PTPN4: variants seen among roughly 807,000 people sequenced by gnomAD.
The protein encoded by PTPN4 is protein tyrosine phosphatase non-receptor type 4.
PTPN4 carries 49 observed loss-of-function variants against 135.5 expected under a neutral mutation model. The ratio of observed to expected loss-of-function variants is 0.36; its 90% CI spans 0.29 to 0.46. The LOEUF is 0.46. PTPN4 is among the 20% of genes least tolerant of loss of function. The pLI is 1.00. For missense variants in PTPN4, 860 were observed against 1,101.0 expected (o/e 0.78, Z 3.10); for synonymous variants, 333 against 369.9 (o/e 0.90, Z 1.14).
At chr2:119,927,940 A>G (rs1678849594) in intron 13 of PTPN4, among the ~76,000 whole-genome samples, 1 of 152,110 alleles carries the variant, frequency 6.6e-6, no homozygotes, top group East Asian at 1.9e-4. Context: ...TTTTTCCCCT[A>G]GTAATATAAG....
chr2:119,911,862 T>C (rs1349903646), intron 10 of PTPN4, among the ~76,000 whole-genome samples: 3 of 152,216 alleles, frequency 2.0e-5, no homozygotes, highest in African/African-American at 7.2e-5. Context: ...AAAACTGTTC[T>C]GTAGTTTCTT....
At chr2:119,875,692 C>G (rs532363686) in intron 3 of PTPN4, among the ~76,000 whole-genome samples, 1 of 152,238 alleles carries the variant, frequency 6.6e-6, no homozygotes, top group South Asian at 2.1e-4. Context: ...ACTTTGCTTA[C>G]TTTCTTATTT....
intron 3 of PTPN4, among the ~76,000 whole-genome samples, chr2:119,863,045 A>G (rs111377930): frequency 3.6e-4 from 55 of 152,186 alleles, no homozygotes; most frequent in African/African-American, 1.3e-3. Context: ...AAAATTCTTA[A>G]TTTATTCAAT....
At chr2:119,861,304 C>T (rs571099565) in intron 2 of PTPN4, among the ~76,000 whole-genome samples, 1 of 152,222 alleles carries the variant, frequency 6.6e-6, no homozygotes, top group Admixed American at 6.5e-5. Flanking sequence ...GACATTAATC[C>T]TTCTAAATGA....
At chr2:119,976,065 G>A (rs1449366741) in intron 26 of PTPN4, among the ~76,000 whole-genome samples, 2 of 149,874 alleles carry the variant, frequency 1.3e-5, no homozygotes, top group Non-Finnish European at 3.0e-5. Context: ...GCGCGATCTC[G>A]GCTCACTGCA....
At chr2:119,770,124 C>T (rs943377995) in intron 1 of PTPN4, among the ~76,000 whole-genome samples, 1 of 152,180 alleles carries the variant, frequency 6.6e-6, no homozygotes, top group Non-Finnish European at 1.5e-5. Flanking sequence ...CAGCTAGGTA[C>T]TAGGCACTGT....
intron 2 of PTPN4, among the ~76,000 whole-genome samples, chr2:119,826,816 AG>A (rs1432095609): frequency 1.6e-4 from 25 of 152,116 alleles, no homozygotes; most frequent in Admixed American, 5.9e-4. Context: ...GCTTGAGGCT[AG>A]GAGTTCAAGA....
chr2:119,844,947 C>G (rs920235372), intron 2 of PTPN4, among the ~76,000 whole-genome samples: 17 of 151,110 alleles, frequency 1.1e-4, no homozygotes, highest in African/African-American at 4.1e-4. Context: ...CGCCACTGCA[C>G]TCCAGCCTGG....
At chr2:119,856,098 C>G (rs569503476) in intron 2 of PTPN4, among the ~76,000 whole-genome samples, 2 of 152,302 alleles carry the variant, frequency 1.3e-5, no homozygotes, top group Admixed American at 1.3e-4. Context: ...GCCACCGCGC[C>G]CAGCCTATGT....
At chr2:119,805,182 A>G (rs190086551) in intron 1 of PTPN4, among the ~76,000 whole-genome samples, 45 of 152,288 alleles carry the variant, frequency 3.0e-4, no homozygotes, top group African/African-American at 1.0e-3. Flanking sequence ...GATTCTGGAT[A>G]TTAGCCCTTC....
intron 9 of PTPN4, among the ~76,000 whole-genome samples, chr2:119,896,032 A>AT (rs1008133228): frequency 1.8e-4 from 27 of 152,164 alleles, no homozygotes; most frequent in African/African-American, 6.5e-4. Flanking sequence ...TTTAAATATC[A>AT]TTTTTTTCCT....
intron 1 of PTPN4, among the ~76,000 whole-genome samples, chr2:119,775,108 A>G (rs1309129754): frequency 1.3e-5 from 1 of 78,568 alleles, no homozygotes; most frequent in Admixed American, 1.2e-4. Context: ...AAAAAAAAAA[A>G]AAAAAAAAAA....
chr2:119,823,536 C>T lies in PTPN4; in HGVS notation c.138+13545C>T, dbSNP rs187039101. 3.7e-3 allele frequency among the ~76,000 whole-genome samples: 552 copies of T among 150,156 alleles called. 3 individuals are homozygous for T. The highest frequency in any genetic ancestry group is 0.013 in the African/African-American group (530 of 39,560). The stretch of plus-strand genomic sequence containing the variant: ...GCGTGAGCCACCGTGCCCAGCCCAT[C>T]TGTTTCTTACATATCAGTATTCCTT... On this transcript the variant is annotated intron_variant, in intron 2 of 26. Transcript: ENST00000263708.
chr2:119,817,061 TA>T (rs112261606), intron 2 of PTPN4, among the ~76,000 whole-genome samples: 2 of 152,316 alleles, frequency 1.3e-5, no homozygotes, highest in African/African-American at 4.8e-5. Context: ...AGACCTGAGT[TA>T]AGGGAATGCA....
Position 119,938,617 on chromosome 2 carries a change from G to A in PTPN4, c.1355+3659G>A, listed in dbSNP as rs182308251. 2.3e-4 allele frequency among the ~76,000 whole-genome samples: 35 copies of A among 152,036 alleles called. No homozygotes were observed. In the East Asian group the frequency reaches 6.8e-3, roughly 29 times the overall value. On this transcript the variant is annotated intron_variant, in intron 15 of 26. Coordinates refer to ENST00000263708, the MANE Select transcript of PTPN4 (RefSeq NM_002830.4). ...CTGATATTTACTAATCTTGCTTTCT[G>A]TTCATTAAAATATAAGTGATTTGTG...
chr2:119,949,266 C>T (rs1679178540), intron 18 of PTPN4, among the ~76,000 whole-genome samples: 1 of 152,012 alleles, frequency 6.6e-6, no homozygotes, highest in African/African-American at 2.4e-5. Context: ...AAAATTAAAA[C>T]AATAGGAATT....
At chr2:119,962,557 G>T (rs147401949) in intron 23 of PTPN4, 59 bp from the exon 24 acceptor site, 14,963 of 972,000 alleles carry the variant, frequency 0.015, 145 homozygotes, top group Non-Finnish European at 0.018. Flanking sequence ...TTTAAAAATT[G>T]GAGAACATGA....
At chr2:119,764,231 C>G (rs1218795155) in intron 1 of PTPN4, among the ~76,000 whole-genome samples, 1 of 152,156 alleles carries the variant, frequency 6.6e-6, no homozygotes. Context: ...CATTGTGTAA[C>G]TCAAGGCAGT....
chr2:119,964,663 A>G (rs1422894408), intron 24 of PTPN4, among the ~76,000 whole-genome samples: 1 of 152,174 alleles, frequency 6.6e-6, no homozygotes, highest in Non-Finnish European at 1.5e-5. Context: ...CTTTACACAT[A>G]TAGAAATTGA....
Sources: allele counts gnomAD v4.1 joint callset (sites outside exome capture counted in the v4.1 genomes callset), GRCh38; gene constraint gnomAD v4.1.1; transcripts MANE v1.5; gene names NCBI Gene and HGNC (gene_info 2026-07-23, HGNC 2026-07-21).